Variants in ARMH4 observed in about 807,000 individuals in gnomAD.
ARMH4 encodes the protein armadillo like helical domain containing 4, also known as armadillo-like helical domain-containing protein 4.
In ARMH4, 49 loss-of-function variants were observed where a neutral mutation model predicts 61.9. The ratio of observed to expected loss-of-function variants is 0.79; its 90% confidence interval spans 0.63 to 1.00. The LOEUF (loss-of-function observed/expected upper bound fraction) is 1.00, where lower values mean the gene tolerates loss of function less well. ARMH4 is among the 50% of genes least tolerant of loss of function. The pLI, the probability that ARMH4 is intolerant of heterozygous loss-of-function variation, is 0.00. For synonymous variants in ARMH4, 368 were observed against 341.5 expected (o/e 1.08, Z -0.85); for missense variants, 934 against 930.0 (o/e 1.00, Z -0.06).
chr14:58,022,658 C>T (rs891620401), intron 5 of ARMH4, among the ~76,000 whole-genome samples: 7 of 152,170 alleles, frequency 4.6e-5, no homozygotes, highest in Non-Finnish European at 1.0e-4. Context: ...GGATCACCTC[C>T]CAAATAAACT....
In ARMH4 at chr14:58,138,279, T is replaced by C. The variant is rs1427133433; in HGVS notation, c.1080A>G (p.Thr360=). 25 of 1,614,122 alleles carry C rather than the reference T, an allele frequency of 1.5e-5. No individual in the cohort carries two copies. Among genetic ancestry groups the C allele is most frequent in the Non-Finnish European group, 2.0e-5 (24 of 1,180,054 alleles). Residue 360 remains threonine (T), a synonymous_variant, in exon 2 of 8, where the codon ACA becomes ACG. Transcript: ENST00000267485. ...GCCCCAGAGCCACCTGTGCAGCCTC[T>C]GTCCAAGGCTGGCCTCCTTCCATAC... ...HEGMEGGQPW[T]EAAQVALGLP... is the part of the protein sequence containing the mutation.
chr14:58,141,707 C>G (rs1360560125), intron 1 of ARMH4: 1 of 296,000 alleles, frequency 3.4e-6, no homozygotes, highest in Non-Finnish European at 6.5e-6. Context: ...TCTGCCCAGG[C>G]CCCATGGCCC....
At chr14:58,079,154 A>G (rs1485143691) in intron 5 of ARMH4, among the ~76,000 whole-genome samples, 1 of 152,224 alleles carries the variant, frequency 6.6e-6, no homozygotes, top group Non-Finnish European at 1.5e-5. Flanking sequence ...TAAATGATGT[A>G]AAGTATATCA....
chr14:58,021,563 TCA>T (rs1259368657), intron 5 of ARMH4, among the ~76,000 whole-genome samples: 1 of 152,194 alleles, frequency 6.6e-6, no homozygotes, highest in Non-Finnish European at 1.5e-5. Context: ...AGAAACACCC[TCA>T]CAAACACGAC....
Position 58,138,942 on chromosome 14 carries a change from T to A in ARMH4, c.417A>T (p.Gly139=). ...SQPERISPES[G]LAKAMLTIAI... is the part of the protein sequence containing the mutation. ...CAATGGTTAACATGGCCTTGGCAAG[T>A]CCACTTTCAGGAGATATTCTCTCTG... Residue 139 remains glycine, a synonymous_variant, in exon 2 of 8, where the codon GGA becomes GGT. Coordinates refer to ENST00000267485, the MANE Select transcript of ARMH4 (RefSeq NM_001001872.4). 6.2e-7 allele frequency: 1 copy of A among 1,614,228 alleles called. No homozygotes were observed.
At chr14:58,114,773 C>G (rs1043437305) in intron 4 of ARMH4, among the ~76,000 whole-genome samples, 7 of 151,716 alleles carry the variant, frequency 4.6e-5, no homozygotes, top group Non-Finnish European at 8.8e-5. Context: ...AATAGAGAAC[C>G]AAGAAATAAA....
At chr14:58,060,831 T>G (rs1171811140) in intron 5 of ARMH4, among the ~76,000 whole-genome samples, 3 of 151,954 alleles carry the variant, frequency 2.0e-5, no homozygotes, top group Non-Finnish European at 2.9e-5. Context: ...AGGGAAGAAG[T>G]TTTTAGAGTT....
Position 58,115,441 on chromosome 14 carries a change from T to C in ARMH4, c.1831+16071A>G, listed in dbSNP as rs561195247. ...AACATAACAGATGCTGGTGAGGTTA[T>C]AGAAAAAAGGGAATGCTTGTACACT... On this transcript the variant is annotated intron_variant, in intron 4 of 7. Coordinates refer to ENST00000267485, the MANE Select transcript of ARMH4 (RefSeq NM_001001872.4). Among the ~76,000 whole-genome samples the C allele has an allele frequency of 5.3e-5, 8 of 152,276 alleles. 1 individual carries two copies. In the East Asian group the frequency reaches 5.8e-4, roughly 11 times the overall value.
intron 5 of ARMH4, among the ~76,000 whole-genome samples, chr14:58,053,337 C>T (rs1437911863): frequency 6.6e-6 from 1 of 152,220 alleles, no homozygotes; most frequent in East Asian, 1.9e-4. Context: ...TTGCTCACAG[C>T]ATAAAATCCC....
chr14:58,074,879 C>A (rs1884995930), intron 5 of ARMH4, among the ~76,000 whole-genome samples: 1 of 152,136 alleles, frequency 6.6e-6, no homozygotes, highest in African/African-American at 2.4e-5. Context: ...ACCATTAGCT[C>A]TTGCAATTCA....
chr14:58,137,920 T>C lies in ARMH4; in HGVS notation c.1369+70A>G. ...ATTAAAACTTCAACCTATTTCTAAA[T>C]TGCCATTAAAAAAAAAATTGAAAGT... On this transcript the variant is annotated intron_variant, in intron 2 of 7. Coordinates refer to ENST00000267485, the MANE Select transcript of ARMH4 (RefSeq NM_001001872.4). 4 of 1,436,018 alleles carry C rather than the reference T, an allele frequency of 2.8e-6. No homozygotes were observed. The South Asian group carries it at 4.1e-5, about 15-fold the overall frequency. 89.0% of individuals were successfully genotyped at this position (1,436,018 alleles called of 1,614,324 possible).
chr14:58,080,117 T>TTA (rs34824218), intron 5 of ARMH4, among the ~76,000 whole-genome samples: 147 of 145,920 alleles, frequency 1.0e-3, no homozygotes, highest in African/African-American at 3.1e-3. Flanking sequence ...TTATATTTAT[T>TTA]TATATATATA....
At chr14:58,044,450 A>G (rs1338784298) in intron 5 of ARMH4, among the ~76,000 whole-genome samples, 2 of 152,226 alleles carry the variant, frequency 1.3e-5, no homozygotes, top group Admixed American at 6.5e-5. Flanking sequence ...CTTACACCTT[A>G]TACAAAAATT....
At chr14:58,016,511 C>A (rs187318743) in intron 5 of ARMH4, among the ~76,000 whole-genome samples, 2 of 152,212 alleles carry the variant, frequency 1.3e-5, no homozygotes, top group East Asian at 3.9e-4. Context: ...CTTTTATTCT[C>A]TGTATTTTTC....
chr14:58,043,942 C>T (rs2141187646), intron 5 of ARMH4, among the ~76,000 whole-genome samples: 1 of 152,182 alleles, frequency 6.6e-6, no homozygotes, highest in South Asian at 2.1e-4. Context: ...GAACTACAAA[C>T]CACTGCTCAA....
rs1466646096 is a variant in ARMH4, at chr14:58,131,572, G to GAAC, written c.1768_1770dup (p.Val590dup). ...GCTGTATTAACACGAGTAATAGATGGAACAACAGTTCTTCTCTCAGAGGAT... is the reference window on the plus strand; with the variant it reads ...GCTGTATTAACACGAGTAATAGATGGAACAACAACAGTTCTTCTCTCAGAGGAT... On this transcript the variant is annotated inframe_insertion, in exon 4 of 8. Coordinates refer to ENST00000267485, the MANE Select transcript of ARMH4 (RefSeq NM_001001872.4). 1.2e-5 allele frequency: 20 copies of GAAC among 1,614,194 alleles called. No homozygotes were observed. The highest frequency in any genetic ancestry group is 1.6e-5 in the Non-Finnish European group (19 of 1,180,016).
chr14:58,067,327 A>G (rs1701614127), intron 5 of ARMH4, among the ~76,000 whole-genome samples: 1 of 152,214 alleles, frequency 6.6e-6, no homozygotes, highest in Non-Finnish European at 1.5e-5. Context: ...GTGAATAAAC[A>G]AAGTGTCTGC....
At chr14:58,006,760 T>C (rs777319832) in intron 6 of ARMH4, among the ~76,000 whole-genome samples, 43 of 96,782 alleles carry the variant, frequency 4.4e-4, no homozygotes, top group Non-Finnish European at 2.7e-4. Flanking sequence ...GGCCCTGTCG[T>C]GGGGTGAGGG....
At chr14:58,042,811 A>C (rs1414146627) in intron 5 of ARMH4, among the ~76,000 whole-genome samples, 1 of 152,236 alleles carries the variant, frequency 6.6e-6, no homozygotes, top group Non-Finnish European at 1.5e-5. Flanking sequence ...AGAATACAAT[A>C]AACACCTCTA....
Sources: allele counts gnomAD v4.1 joint callset (sites outside exome capture counted in the v4.1 genomes callset), GRCh38; gene constraint gnomAD v4.1.1; transcripts MANE v1.5; gene names NCBI Gene and HGNC (gene_info 2026-07-23, HGNC 2026-07-21).